CNTNAP4: variants seen among roughly 807,000 people sequenced by gnomAD.
CNTNAP4 encodes contactin associated protein family member 4.
In CNTNAP4, 98 loss-of-function variants were observed where a neutral mutation model predicts 148.4. That is an observed-to-expected ratio of 0.66 (90% CI 0.56 to 0.78). CNTNAP4 has a LOEUF of 0.78. Ranked by LOEUF, CNTNAP4 falls within the 30% of genes least tolerant of loss-of-function variation. The pLI is 0.00. For synonymous variants in CNTNAP4, 730 were observed against 565.1 expected, an observed-to-expected ratio of 1.29 and a Z score of -4.14; for missense variants, 1,935 against 1,565.6, an observed-to-expected ratio of 1.24 and a Z score of -3.98.
chr16:76,494,020 A>G (rs932565302), intron 13 of CNTNAP4, among the ~76,000 whole-genome samples: 28 of 152,240 alleles, frequency 1.8e-4, no homozygotes, highest in Admixed American at 5.2e-4. Flanking sequence ...AAACTGACTG[A>G]TTCTATGTTG....
At chr16:76,356,060 A>T (rs2012590166) in intron 3 of CNTNAP4, among the ~76,000 whole-genome samples, 1 of 151,682 alleles carries the variant, frequency 6.6e-6, no homozygotes, top group African/African-American at 2.4e-5. Context: ...TTTTTAGTAG[A>T]GACGGGCTTT....
intron 15 of CNTNAP4, among the ~76,000 whole-genome samples, chr16:76,503,262 T>A (rs1458365750): frequency 6.6e-6 from 1 of 152,110 alleles, no homozygotes; most frequent in Non-Finnish European, 1.5e-5. Context: ...TCCTAGCACA[T>A]GTAATAAGTC....
At chr16:76,540,590 G>A in intron 20 of CNTNAP4, 113 bp from the exon 21 acceptor site, 2 of 590,036 alleles carry the variant, frequency 3.4e-6, no homozygotes, top group South Asian at 2.6e-5. Flanking sequence ...AATGTTTGGG[G>A]CCATGCTAAC....
At chr16:76,319,980 G>A (rs962978119) in intron 2 of CNTNAP4, among the ~76,000 whole-genome samples, 1 of 152,200 alleles carries the variant, frequency 6.6e-6, no homozygotes, top group Admixed American at 6.5e-5. Context: ...AGTGCCACTG[G>A]AATAAATACC....
Position 76,521,133 on chromosome 16 carries a change from A to C in CNTNAP4, c.2366-7A>C. 6.4e-7 allele frequency: 1 copy of C among 1,558,534 alleles called. No individual in the cohort carries two copies. The highest frequency in any genetic ancestry group is 8.6e-7 in the Non-Finnish European group (1 of 1,163,112). ...ATTTTTTTTTCTTTTTTTTTTTCAC[A>C]AAACAGGATCATTTTGGAATTCAGC... On this transcript the variant is annotated splice_region_variant and splice_polypyrimidine_tract_variant and intron_variant, in intron 15 of 23. Transcript: ENST00000611870.
Position 76,444,816 on chromosome 16 carries a change from C to G in CNTNAP4, c.539-3196C>G, listed in dbSNP as rs1168961518. Reference sequence around the variant, plus strand: ...TTAAATGTGTATCCTTTGAAGTTTTCCTGTACTGATAATGTACTCGCATTG... The same window carrying G: ...TTAAATGTGTATCCTTTGAAGTTTTGCTGTACTGATAATGTACTCGCATTG... On this transcript the variant is annotated intron_variant, in intron 4 of 23. Coordinates refer to ENST00000611870, the MANE Select transcript of CNTNAP4 (RefSeq NM_033401.5). Among the ~76,000 whole-genome samples, 3 of 152,004 alleles carry G rather than the reference C, an allele frequency of 2.0e-5. No individual in the cohort carries two copies. In the South Asian group the frequency reaches 6.2e-4, roughly 32 times the overall value.
intron 7 of CNTNAP4, 82 bp downstream of exon 7, chr16:76,449,940 T>C: frequency 8.0e-7 from 1 of 1,248,508 alleles, no homozygotes; most frequent in Non-Finnish European, 1.1e-6. Flanking sequence ...TAGGTTCCCA[T>C]TTGACATGGG....
chr16:76,435,313 C>G (rs1023356068), intron 4 of CNTNAP4, among the ~76,000 whole-genome samples: 1 of 152,098 alleles, frequency 6.6e-6, no homozygotes, highest in African/African-American at 2.4e-5. Flanking sequence ...AGTTTTACTT[C>G]TAGGAACACT....
intron 8 of CNTNAP4, among the ~76,000 whole-genome samples, chr16:76,457,523 T>C (rs1440222142): frequency 2.0e-5 from 3 of 152,180 alleles, no homozygotes; most frequent in Non-Finnish European, 2.9e-5. Flanking sequence ...TTGTTCCTGA[T>C]CTATTTTTTG....
chr16:76,506,199 T>C (rs1597771273), intron 15 of CNTNAP4, among the ~76,000 whole-genome samples: 1 of 96,872 alleles, frequency 1.0e-5, no homozygotes, highest in African/African-American at 2.6e-5. Context: ...GGAACGTATT[T>C]ATTTTTGAGG....
intron 3 of CNTNAP4, among the ~76,000 whole-genome samples, chr16:76,383,563 C>G (rs2016210047): frequency 6.6e-6 from 1 of 151,952 alleles, no homozygotes; most frequent in Admixed American, 6.6e-5. Context: ...GAATGCAACA[C>G]ATGTAAAATT....
chr16:76,278,551 T>C (rs545255556), intron 1 of CNTNAP4, among the ~76,000 whole-genome samples: 68 of 152,182 alleles, frequency 4.5e-4, no homozygotes, highest in Non-Finnish European at 9.4e-4. Flanking sequence ...CACTCTTTAT[T>C]AGAGATAGAA....
At chr16:76,539,034 CAAAATA>C (rs1167944735) in intron 19 of CNTNAP4, among the ~76,000 whole-genome samples, 1 of 151,782 alleles carries the variant, frequency 6.6e-6, no homozygotes, top group Non-Finnish European at 1.5e-5. Flanking sequence ...TACTGAACAC[CAAAATA>C]AAAATAAGAT....
chr16:76,334,015 TGAG>T (rs1344700369), intron 2 of CNTNAP4, among the ~76,000 whole-genome samples: 1 of 151,860 alleles, frequency 6.6e-6, no homozygotes, highest in East Asian at 1.9e-4. Context: ...CCAATGATGA[TGAG>T]CATTTTTTCA....
Position 76,355,629 on chromosome 16 carries a change from A to G in CNTNAP4, c.390+118A>G. 6.0e-6 allele frequency: 4 copies of G among 669,872 alleles called. 1 individual carries two copies. In the South Asian group the frequency reaches 1.3e-4, roughly 22 times the overall value. 41.5% of individuals were successfully genotyped at this position (669,872 alleles called of 1,614,324 possible). A position where few individuals can be genotyped will look rare whatever the true frequency, so the allele number is the denominator to read the frequency against. On this transcript the variant is annotated intron_variant, in intron 3 of 23. Coordinates refer to ENST00000611870, the MANE Select transcript of CNTNAP4 (RefSeq NM_033401.5). ...CAGAATCTGCAGACTTACATTGAAAACATTTTCCAAGAGAAAATATGGTAA... is the reference window on the plus strand; with the variant it reads ...CAGAATCTGCAGACTTACATTGAAAGCATTTTCCAAGAGAAAATATGGTAA...
chr16:76,452,733 T>C lies in CNTNAP4; in HGVS notation c.1297T>C (p.Tyr433His). ...TGATGGAAAACTTAAGTCGAATCTC[T>C]ACCAGCCAGGAAAATTACCCAGTGA... ...LSDGKLKSNL[Y>H]QPGKLPSDIT... Residue 433 changes from tyrosine (Y) to histidine (H), a missense_variant, in exon 8 of 24, where the codon TAC (tyrosine) becomes CAC (histidine). Transcript: ENST00000611870. 2.5e-6 allele frequency: 4 copies of C among 1,603,708 alleles called. No homozygotes were observed. Among genetic ancestry groups the C allele is most frequent in the African/African-American group, 1.3e-5 (1 of 74,586 alleles).
In CNTNAP4 at chr16:76,511,309, G is replaced by A. The variant is rs1327336559; in HGVS notation, c.2366-9831G>A. Among the ~76,000 whole-genome samples, 5 of 152,130 alleles carry A rather than the reference G, an allele frequency of 3.3e-5. No individual in the cohort carries two copies. The East Asian group carries it at 9.6e-4, about 29-fold the overall frequency. On this transcript the variant is annotated intron_variant, in intron 15 of 23. Coordinates refer to ENST00000611870, the MANE Select transcript of CNTNAP4 (RefSeq NM_033401.5). Reference sequence around the variant, plus strand: ...GTTCCAAAAAATTCTTGAGTCACTGGAGTTAGTTTCTTCATTTTGTCTGCA... The same window carrying A: ...GTTCCAAAAAATTCTTGAGTCACTGAAGTTAGTTTCTTCATTTTGTCTGCA...
At chr16:76,288,624 A>C (rs1958985975) in intron 1 of CNTNAP4, among the ~76,000 whole-genome samples, 1 of 152,238 alleles carries the variant, frequency 6.6e-6, no homozygotes. Flanking sequence ...TAGACTATCA[A>C]AATGGATTTT....
chr16:76,396,999 G>T (rs189787235), intron 3 of CNTNAP4, among the ~76,000 whole-genome samples: 3 of 152,120 alleles, frequency 2.0e-5, no homozygotes, highest in African/African-American at 7.2e-5. Context: ...TATGGAACTC[G>T]ATCACTTGGG....
Sources: allele counts gnomAD v4.1 joint callset (sites outside exome capture counted in the v4.1 genomes callset), GRCh38; gene constraint gnomAD v4.1.1; transcripts MANE v1.5; gene names NCBI Gene and HGNC (gene_info 2026-07-23, HGNC 2026-07-21).